LOC128092253: variants seen among roughly 807,000 people sequenced by gnomAD.
the LOC128092253 span, among the ~76,000 whole-genome samples, chr6:133,955,578 T>A: frequency 2.0e-5 from 3 of 152,198 alleles, no homozygotes; most frequent in African/African-American, 4.8e-5. Flanking sequence ...TGAGTAACTG[T>A]TGGTTGTGAA....
At chr6:133,966,292 A>G in the LOC128092253 span, among the ~76,000 whole-genome samples, 1 of 152,152 alleles carries the variant, frequency 6.6e-6, no homozygotes, top group African/African-American at 2.4e-5. Context: ...TACCAAGGAG[A>G]CTATAAATAG....
chr6:133,960,729 G>A, the LOC128092253 span, among the ~76,000 whole-genome samples: 1 of 152,146 alleles, frequency 6.6e-6, no homozygotes, highest in Non-Finnish European at 1.5e-5. Context: ...AACTTTAACT[G>A]AATGGTTGAT....
chr6:133,974,161 A>G, the LOC128092253 span, among the ~76,000 whole-genome samples: 1 of 152,100 alleles, frequency 6.6e-6, no homozygotes, highest in African/African-American at 2.4e-5. Flanking sequence ...GGCAAACATT[A>G]TGGACCTCTG....
At chr6:133,957,805 G>T in the LOC128092253 span, among the ~76,000 whole-genome samples, 1 of 152,234 alleles carries the variant, frequency 6.6e-6, no homozygotes, top group Non-Finnish European at 1.5e-5. Context: ...CAGGGTTGCT[G>T]TGAGAATTAG....
At chr6:133,980,063 ATTTTG>A in the LOC128092253 span, 5 of 1,388,112 alleles carry the variant, frequency 3.6e-6, no homozygotes, top group East Asian at 2.7e-5. Context: ...TAATGACTTT[ATTTTG>A]TTTTATTTCT....
At chr6:133,975,573 T>C in the LOC128092253 span, among the ~76,000 whole-genome samples, 1 of 152,176 alleles carries the variant, frequency 6.6e-6, no homozygotes, top group African/African-American at 2.4e-5. Flanking sequence ...ATAATCTTGA[T>C]GCTCAAACCA....
chr6:133,966,861 A>C, the LOC128092253 span, among the ~76,000 whole-genome samples: 1 of 152,118 alleles, frequency 6.6e-6, no homozygotes, highest in Non-Finnish European at 1.5e-5. Context: ...TCTTGCCTGG[A>C]CTGCTGTGCT....
At chr6:133,955,459 C>T in the LOC128092253 span, among the ~76,000 whole-genome samples, 1 of 151,932 alleles carries the variant, frequency 6.6e-6, no homozygotes, top group Non-Finnish European at 1.5e-5. Context: ...GTGTCCTTCG[C>T]CTGCATGTGC....
the LOC128092253 span, among the ~76,000 whole-genome samples, chr6:133,962,579 A>T: frequency 6.6e-6 from 1 of 152,176 alleles, no homozygotes; most frequent in South Asian, 2.1e-4. Flanking sequence ...TTTTGTTTGT[A>T]TGTGTCGATT....
the LOC128092253 span, among the ~76,000 whole-genome samples, chr6:133,976,410 G>A: frequency 6.6e-6 from 1 of 152,192 alleles, no homozygotes; most frequent in Non-Finnish European, 1.5e-5. Context: ...TTAGAATTTA[G>A]TAGGGGAAAT....
chr6:133,967,021 G>A, the LOC128092253 span, among the ~76,000 whole-genome samples: 2 of 152,148 alleles, frequency 1.3e-5, no homozygotes, highest in Admixed American at 6.5e-5. Context: ...GGCATAGAAG[G>A]CATGATTTGA....
At chr6:133,957,442 G>GT in the LOC128092253 span, among the ~76,000 whole-genome samples, 1 of 152,144 alleles carries the variant, frequency 6.6e-6, no homozygotes, top group African/African-American at 2.4e-5. Flanking sequence ...GTATGTTTTT[G>GT]TTTTTTAACT....
At chr6:133,974,748 G>C in the LOC128092253 span, among the ~76,000 whole-genome samples, 2 of 152,218 alleles carry the variant, frequency 1.3e-5, no homozygotes, top group Admixed American at 6.5e-5. Context: ...CAGACTGTAA[G>C]AGAACACAGA....
At chr6:133,963,639 C>T in the LOC128092253 span, among the ~76,000 whole-genome samples, 1 of 152,130 alleles carries the variant, frequency 6.6e-6, no homozygotes, top group Non-Finnish European at 1.5e-5. Flanking sequence ...TCAGTCTGGT[C>T]TGTAACTCCT....
chr6:133,973,188 C>T, the LOC128092253 span, among the ~76,000 whole-genome samples: 1 of 152,164 alleles, frequency 6.6e-6, no homozygotes. Context: ...TGTGAGGTTA[C>T]TTTGAATGGC....
At chr6:133,967,491 G>A in the LOC128092253 span, among the ~76,000 whole-genome samples, 16 of 152,296 alleles carry the variant, frequency 1.1e-4, no homozygotes, top group Admixed American at 3.3e-4. Flanking sequence ...ACAAGGATGT[G>A]TCCTGAGAAG....
the LOC128092253 span, chr6:133,980,021 A>G: frequency 3.3e-6 from 4 of 1,211,888 alleles, no homozygotes; most frequent in African/African-American, 6.3e-5. Context: ...CAATTTCAAA[A>G]TTGTGAAAAG....
chr6:133,969,137 T>C, the LOC128092253 span, among the ~76,000 whole-genome samples: 2 of 152,184 alleles, frequency 1.3e-5, no homozygotes, highest in Non-Finnish European at 2.9e-5. Flanking sequence ...ATGTAAACCA[T>C]TGAACTTATC....
At chr6:133,960,418 C>CTTTTTTTTTTTT in the LOC128092253 span, among the ~76,000 whole-genome samples, 1 of 131,594 alleles carries the variant, frequency 7.6e-6, no homozygotes, top group African/African-American at 2.8e-5. Flanking sequence ...GCTGACCAGC[C>CTTTTTTTTTTTT]TTTTTTTTTT....
Sources: gnomAD v4.1 joint callset for allele counts (sites outside exome capture counted in the v4.1 genomes callset) on GRCh38, gnomAD v4.1.1 for gene constraint, MANE v1.5 for transcripts.